SGK1: variants seen among roughly 807,000 people sequenced by gnomAD.
SGK1 encodes serum/glucocorticoid regulated kinase 1.
In SGK1, 26 loss-of-function variants were observed where a neutral mutation model predicts 64.2. The ratio of observed to expected loss-of-function variants is 0.40; its 90% CI spans 0.30 to 0.56. The LOEUF is 0.56. Ranked by LOEUF, SGK1 falls within the 20% of genes least tolerant of loss-of-function variation. The pLI, the probability that SGK1 is intolerant of heterozygous loss-of-function variation, is 0.38. For synonymous variants in SGK1, 265 were observed against 239.7 expected (o/e 1.11, Z -0.98); for missense variants, 519 against 645.6 (o/e 0.80, Z 2.12).
chr6:134,302,624 G>T (rs1305210961), intron 1 of SGK1, among the ~76,000 whole-genome samples: 1 of 152,178 alleles, frequency 6.6e-6, no homozygotes, highest in African/African-American at 2.4e-5. Context: ...TCATAATTTT[G>T]AGGTCTGTCT....
rs753021396 is a variant in SGK1, at chr6:134,317,384, G to C, written c.69+8C>G. The C allele has an allele frequency of 6.4e-6, 10 of 1,563,538 alleles. No homozygotes were observed. Among genetic ancestry groups the C allele is most frequent in the Non-Finnish European group, 7.9e-6 (9 of 1,133,952 alleles). The stretch of plus-strand genomic sequence containing the variant: ...AAAACAAAAGAAATAAGCAAAACCT[G>C]TCCTTACCCGCTTCTTAAAAAATTG... On this transcript the variant is annotated splice_region_variant and intron_variant, in intron 1 of 13. Coordinates refer to ENST00000367858, the MANE Select transcript of SGK1 (RefSeq NM_001143676.3).
At chr6:134,180,710 A>C (rs767260313) in intron 3 of SGK1, among the ~76,000 whole-genome samples, 12 of 151,968 alleles carry the variant, frequency 7.9e-5, no homozygotes, top group South Asian at 2.1e-4. Context: ...CTGTCTCTAC[A>C]AAAAATACAA....
At chr6:134,247,156 C>G (rs1268317307) in intron 2 of SGK1, among the ~76,000 whole-genome samples, 1 of 152,152 alleles carries the variant, frequency 6.6e-6, no homozygotes, top group African/African-American at 2.4e-5. Flanking sequence ...TCCCCACCAC[C>G]ATTCCACCCC....
intron 1 of SGK1, among the ~76,000 whole-genome samples, chr6:134,268,558 TAAAAATAC>T (rs1776891101): frequency 7.2e-6 from 1 of 139,588 alleles, no homozygotes. Flanking sequence ...CCGTCTCTAC[TAAAAATAC>T]AAAAAAAATT....
At chr6:134,242,775 T>A (rs545196348) in intron 2 of SGK1, among the ~76,000 whole-genome samples, 310 of 152,294 alleles carry the variant, frequency 2.0e-3, no homozygotes, top group Admixed American at 4.4e-3. Flanking sequence ...TAGAATTTTT[T>A]AAATTTTCAA....
At chr6:134,263,872 G>A (rs1776805423) in intron 1 of SGK1, among the ~76,000 whole-genome samples, 1 of 152,050 alleles carries the variant, frequency 6.6e-6, no homozygotes, top group South Asian at 2.1e-4. Flanking sequence ...GACCAGCCTA[G>A]CCAACATAGC....
At chr6:134,208,537 C>T (rs1442038384) in intron 2 of SGK1, among the ~76,000 whole-genome samples, 2 of 152,038 alleles carry the variant, frequency 1.3e-5, no homozygotes, top group Middle Eastern at 3.2e-3. Context: ...CCCACTGTCA[C>T]CCTTCCCCTT....
chr6:134,304,121 TG>T (rs1777499229), intron 1 of SGK1, among the ~76,000 whole-genome samples: 2 of 152,204 alleles, frequency 1.3e-5, no homozygotes, highest in Non-Finnish European at 1.5e-5. Flanking sequence ...AGAGATGCAC[TG>T]ACACCAAACA....
intron 2 of SGK1, among the ~76,000 whole-genome samples, chr6:134,227,831 A>G (rs948809442): frequency 3.3e-5 from 5 of 152,166 alleles, no homozygotes; most frequent in Non-Finnish European, 7.3e-5. Context: ...CATATAGTAA[A>G]TGAGTAATAA....
At chr6:134,309,535 T>G (rs917929467) in intron 1 of SGK1, among the ~76,000 whole-genome samples, 1 of 152,340 alleles carries the variant, frequency 6.6e-6, no homozygotes. Context: ...TGTCCTCATT[T>G]CTGGGCCAGA....
At chr6:134,308,885 TC>T (rs1777572301) in intron 1 of SGK1, among the ~76,000 whole-genome samples, 2 of 152,102 alleles carry the variant, frequency 1.3e-5, no homozygotes, top group Admixed American at 1.3e-4. Context: ...TTCATGCTTT[TC>T]TCTTTTGCCT....
chr6:134,191,975 G>C (rs1424143929), intron 3 of SGK1, among the ~76,000 whole-genome samples: 1 of 150,824 alleles, frequency 6.6e-6, no homozygotes, highest in Non-Finnish European at 1.5e-5. Context: ...GCTGGGACGG[G>C]GCCCGCCACC....
chr6:134,232,415 G>A (rs111822026), intron 2 of SGK1, among the ~76,000 whole-genome samples: 10 of 3,244 alleles, frequency 3.1e-3, no homozygotes, highest in South Asian at 0.062. Flanking sequence ...GAAAGAAAGA[G>A]AAAGAAAGAA....
chr6:134,174,476 ATAC>A (rs1442001404), intron 4 of SGK1, 32 bp downstream of exon 4: 1 of 1,508,762 alleles, frequency 6.6e-7, no homozygotes, highest in Non-Finnish European at 9.2e-7. Context: ...AATTCAAACT[ATAC>A]TAGTTATTTC....
chr6:134,176,154 G>A (rs1775227495), intron 3 of SGK1, among the ~76,000 whole-genome samples: 1 of 152,110 alleles, frequency 6.6e-6, no homozygotes, highest in East Asian at 1.9e-4. Context: ...GGCGTGAACC[G>A]GGCATCCTCG....
intron 3 of SGK1, among the ~76,000 whole-genome samples, chr6:134,177,504 A>C (rs1775263891): frequency 6.6e-6 from 1 of 152,156 alleles, no homozygotes; most frequent in Non-Finnish European, 1.5e-5. Flanking sequence ...CAGAAACATC[A>C]ACCTGCACAC....
chr6:134,178,987 ATTTT>A (rs1385727673), intron 3 of SGK1, among the ~76,000 whole-genome samples: 1 of 151,788 alleles, frequency 6.6e-6, no homozygotes, highest in Non-Finnish European at 1.5e-5. Flanking sequence ...CTTCTATTTT[ATTTT>A]TTTATTTCTT....
At chr6:134,288,223 A>C (rs1021554742) in intron 1 of SGK1, among the ~76,000 whole-genome samples, 7 of 152,228 alleles carry the variant, frequency 4.6e-5, no homozygotes, top group Non-Finnish European at 1.0e-4. Flanking sequence ...GGGCTACTAC[A>C]AGAATTCTTT....
At chr6:134,308,693 A>C (rs1456189766) in intron 1 of SGK1, among the ~76,000 whole-genome samples, 1 of 151,966 alleles carries the variant, frequency 6.6e-6, no homozygotes, top group Non-Finnish European at 1.5e-5. Context: ...AGTAGCTGGG[A>C]TTACAGGTGC....
Sources: gnomAD v4.1 joint callset for allele counts (sites outside exome capture counted in the v4.1 genomes callset) on GRCh38, gnomAD v4.1.1 for gene constraint, MANE v1.5 for transcripts, NCBI Gene and HGNC (gene_info 2026-07-23, HGNC 2026-07-21) for gene names.